Variants in GOSR1 observed in about 807,000 individuals in gnomAD.
The protein encoded by GOSR1 is 28 kDa Golgi SNARE protein.
GOSR1 carries 21 observed loss-of-function variants against 35.5 expected under a neutral mutation model. The observed-to-expected ratio is 0.59, with a 90% CI of 0.42 to 0.85. The LOEUF (loss-of-function observed/expected upper bound fraction) is 0.85. Ranked by LOEUF, GOSR1 falls within the 40% of genes least tolerant of loss-of-function variation. GOSR1 has a pLI of 0.00. For missense variants in GOSR1, 285 were observed against 309.6 expected, an observed-to-expected ratio of 0.92 and a Z score of 0.60; for synonymous variants, 94 against 106.6, an observed-to-expected ratio of 0.88 and a Z score of 0.73.
At chr17:30,496,598 A>G (rs769535186) in intron 6 of GOSR1, among the ~76,000 whole-genome samples, 1 of 152,150 alleles carries the variant, frequency 6.6e-6, no homozygotes, top group Non-Finnish European at 1.5e-5. Flanking sequence ...ACAAGATGCA[A>G]TTTATTTGCC....
intron 7 of GOSR1, among the ~76,000 whole-genome samples, chr17:30,515,218 T>C (rs1383130826): frequency 6.6e-6 from 1 of 152,094 alleles, no homozygotes; most frequent in Non-Finnish European, 1.5e-5. Context: ...GCCTTGACCT[T>C]CTGGGCTCAA....
chr17:30,477,408 A>G lies in GOSR1; in HGVS notation c.-26A>G. ...CGGCCTGCATCGCCTCTGCTCCCCT[A>G]TCCCGGCTGACGTTGGACGACAAAG... is the stretch of plus-strand genomic sequence containing the variant. On this transcript the variant is annotated 5_prime_UTR_variant, in exon 1 of 9. Transcript: ENST00000451249. The G allele has an allele frequency of 1.9e-6, 3 of 1,606,482 alleles. No individual in the cohort carries two copies. In the South Asian group the frequency reaches 3.3e-5, roughly 18 times the overall value.
intron 4 of GOSR1, among the ~76,000 whole-genome samples, chr17:30,486,846 G>T (rs1336890599): frequency 6.6e-6 from 1 of 152,164 alleles, no homozygotes; most frequent in Non-Finnish European, 1.5e-5. Context: ...GTAAAGGAAA[G>T]AATCATTCTG....
intron 6 of GOSR1, among the ~76,000 whole-genome samples, chr17:30,498,839 C>G (rs568863575): frequency 7.2e-5 from 11 of 152,262 alleles, no homozygotes; most frequent in Admixed American, 5.9e-4. Flanking sequence ...ATTCTTTTTC[C>G]TCATAAATCA....
At chr17:30,516,031 G>A (rs1967795252) in intron 7 of GOSR1, among the ~76,000 whole-genome samples, 1 of 152,166 alleles carries the variant, frequency 6.6e-6, no homozygotes, top group African/African-American at 2.4e-5. Flanking sequence ...TTAATTGTGT[G>A]TGTAGCTTCA....
intron 4 of GOSR1, among the ~76,000 whole-genome samples, chr17:30,488,108 CTTT>C (rs11360503): frequency 8.8e-5 from 12 of 136,432 alleles, no homozygotes; most frequent in Admixed American, 2.2e-4. Context: ...TCATTTACTC[CTTT>C]TTTTTTTTTT....
At chr17:30,481,347 T>G (rs1914336246) in intron 2 of GOSR1, 90 bp downstream of exon 2, 5 of 876,924 alleles carry the variant, frequency 5.7e-6, no homozygotes, top group Non-Finnish European at 8.7e-6. Context: ...TTCTGTAAGT[T>G]GGTCTATTGG....
intron 7 of GOSR1, among the ~76,000 whole-genome samples, chr17:30,513,680 G>C (rs1427391461): frequency 1.3e-5 from 2 of 152,206 alleles, no homozygotes; most frequent in Non-Finnish European, 2.9e-5. Flanking sequence ...GCCCAGCATG[G>C]TGGCTCACAC....
At chr17:30,504,824 T>C (rs1474469522) in intron 6 of GOSR1, among the ~76,000 whole-genome samples, 1 of 152,212 alleles carries the variant, frequency 6.6e-6, no homozygotes, top group Non-Finnish European at 1.5e-5. Context: ...ATACAAATTA[T>C]AATGAGTTTA....
intron 6 of GOSR1, among the ~76,000 whole-genome samples, chr17:30,505,486 ATT>A: frequency 6.6e-6 from 1 of 152,238 alleles, no homozygotes; most frequent in Non-Finnish European, 1.5e-5. Context: ...TACAGATACT[ATT>A]TTTTACAAAC....
intron 1 of GOSR1, chr17:30,479,789 T>G (rs573579323): frequency 2.8e-4 from 42 of 152,310 alleles, no homozygotes; most frequent in African/African-American, 9.9e-4. Flanking sequence ...ATTACAGGCG[T>G]GAGCCACTGC....
intron 4 of GOSR1, among the ~76,000 whole-genome samples, chr17:30,486,787 A>G (rs1914711658): frequency 6.6e-6 from 1 of 152,228 alleles, no homozygotes; most frequent in Admixed American, 6.5e-5. Context: ...AGAAATGTGT[A>G]GGACTTGTAT....
At chr17:30,501,045 T>C (rs1230850229) in intron 6 of GOSR1, among the ~76,000 whole-genome samples, 1 of 151,948 alleles carries the variant, frequency 6.6e-6, no homozygotes, top group Non-Finnish European at 1.5e-5. Flanking sequence ...GACGCCCGGC[T>C]AATTTTTTGT....
At chr17:30,485,047 C>G in intron 4 of GOSR1, 1 of 441,352 alleles carries the variant, frequency 2.3e-6, no homozygotes, top group Non-Finnish European at 4.2e-6. Context: ...AGCTAGCTAG[C>G]TGTAACAGTG....
intron 6 of GOSR1, among the ~76,000 whole-genome samples, chr17:30,498,039 CAG>C (rs1967061480): frequency 8.5e-6 from 1 of 117,596 alleles, no homozygotes. Flanking sequence ...GCATGGGTGA[CAG>C]AGCAATACTC....
At chr17:30,495,139 G>T (rs1424235514) in intron 6 of GOSR1, among the ~76,000 whole-genome samples, 1 of 128,516 alleles carries the variant, frequency 7.8e-6, no homozygotes, top group African/African-American at 3.0e-5. Context: ...AGTGAGCCAA[G>T]ATCACGCTAC....
chr17:30,509,493 C>T (rs1967537285), intron 6 of GOSR1, among the ~76,000 whole-genome samples: 1 of 152,210 alleles, frequency 6.6e-6, no homozygotes, highest in African/African-American at 2.4e-5. Context: ...ATAATGAAAC[C>T]TTGACTTCGT....
chr17:30,488,063 C>T (rs1914788705), intron 4 of GOSR1, among the ~76,000 whole-genome samples: 2 of 149,388 alleles, frequency 1.3e-5, no homozygotes, highest in Admixed American at 6.6e-5. Flanking sequence ...CATGAGCCAC[C>T]GTACCCAGCC....
rs1000621239 is a variant in GOSR1, at chr17:30,510,771, A to C, written c.510-109A>C. The C allele has an allele frequency of 2.9e-5, 19 of 645,486 alleles. No homozygotes were observed. The East Asian group carries it at 5.2e-4, about 18-fold the overall frequency. 40.0% of individuals were successfully genotyped at this position (645,486 alleles called of 1,614,324 possible). A position where few individuals can be genotyped will look rare whatever the true frequency, so the allele number is the denominator to read the frequency against. On this transcript the variant is annotated intron_variant, in intron 6 of 8. Transcript: ENST00000451249. ...TCCAGATGCTTTGAAAAAGCTAGAC[A>C]TTCTGTATACATAAATGACTAAAAA...
Sources: allele counts gnomAD v4.1 joint callset (sites outside exome capture counted in the v4.1 genomes callset), GRCh38; gene constraint gnomAD v4.1.1; transcripts MANE v1.5; gene names NCBI Gene and HGNC (gene_info 2026-07-23, HGNC 2026-07-21).